Variants in CSF1 observed in about 807,000 individuals in gnomAD.
CSF1 encodes colony stimulating factor 1, also known as macrophage colony-stimulating factor 1.
A neutral mutation model predicts 48.9 loss-of-function variants in CSF1; 9 were observed. The ratio of observed to expected loss-of-function variants is 0.18; its 90% CI spans 0.11 to 0.32. The LOEUF is 0.32. Ranked by LOEUF, CSF1 falls within the 10% of genes least tolerant of loss-of-function variation. The pLI, the probability that CSF1 is intolerant of heterozygous loss-of-function variation, is 1.00. For synonymous variants in CSF1, 305 were observed against 284.1 expected, an observed-to-expected ratio of 1.07 and a Z score of -0.74; for missense variants, 672 against 697.9, an observed-to-expected ratio of 0.96 and a Z score of 0.42.
In CSF1 at chr1:109,924,795, G is replaced by T. The variant is rs1344162850; in HGVS notation, c.1589G>T (p.Arg530Ile). Residue 530 changes from arginine (R) to isoleucine (I), a missense_variant, in exon 7 of 9, where the codon AGA (arginine) becomes ATA (isoleucine). Physicochemically the swap from Arg to Ile is moderately conservative, Grantham distance 97 (BLOSUM62 -3). Transcript: ENST00000329608. ...CCTCAGAGCCATCAAGAGCCTCAGA[G>T]AGCGGATTCTCCCTTGGAGCAACCA... ...WRRRSHQEPQ[R>I]ADSPLEQPEG... 1 of 1,601,058 alleles carries T rather than the reference G, an allele frequency of 6.2e-7. No homozygotes were observed. Among genetic ancestry groups the T allele is most frequent in the African/African-American group, 1.3e-5 (1 of 74,702 alleles).
At chr1:109,918,842 G>A (rs1277983732) in intron 4 of CSF1, among the ~76,000 whole-genome samples, 1 of 152,078 alleles carries the variant, frequency 6.6e-6, no homozygotes, top group Admixed American at 6.6e-5. Flanking sequence ...AGGCATGGGG[G>A]TTCGGCTTAT....
chr1:109,910,874 G>A lies in CSF1; in HGVS notation c.-150G>A. On this transcript the variant is annotated 5_prime_UTR_variant, in exon 1 of 9. Transcript: ENST00000329608. ...GAGGCTCGGCCCGGGGAAAGTGAAAGTTTGCCTGGGTCCTCTCGGCGCCAG... is the reference window on the plus strand; with the variant it reads ...GAGGCTCGGCCCGGGGAAAGTGAAAATTTGCCTGGGTCCTCTCGGCGCCAG... 2.5e-6 allele frequency: 1 copy of A among 400,242 alleles called. No homozygotes were observed. Among genetic ancestry groups the A allele is most frequent in the Non-Finnish European group, 3.6e-6 (1 of 281,000 alleles). 24.8% of individuals were successfully genotyped at this position (400,242 alleles called of 1,614,324 possible). A position where few individuals can be genotyped will look rare whatever the true frequency, so the allele number is the denominator to read the frequency against.
At chr1:109,911,963 T>C (rs1654708846) in intron 1 of CSF1, among the ~76,000 whole-genome samples, 1 of 151,760 alleles carries the variant, frequency 6.6e-6, no homozygotes, top group East Asian at 1.9e-4. Flanking sequence ...ATAGATTTGC[T>C]TCTGAGGAGT....
chr1:109,922,412 C>T (rs568805066), intron 5 of CSF1: 2 of 163,864 alleles, frequency 1.2e-5, no homozygotes, highest in East Asian at 3.5e-4. Context: ...TCCAGGAGCT[C>T]TGCTGCGAAT....
chr1:109,911,816 T>G (rs945890471), intron 1 of CSF1, among the ~76,000 whole-genome samples: 3 of 152,096 alleles, frequency 2.0e-5, no homozygotes, highest in Admixed American at 6.6e-5. Context: ...AAAGAGGGTT[T>G]GGTGTTGCAG....
rs755112511 is a variant in CSF1, at chr1:109,923,268, C to G, written c.647C>G (p.Ala216Gly). The change falls in exon 6 of 9, where the codon GCC (alanine) becomes GGC (glycine). Residue 216 changes from alanine (A) to glycine (G), a missense_variant. Ala to Gly is a moderately conservative substitution (Grantham distance 60, BLOSUM62 0). Around this residue, in one of 3 missense-constraint regions of CSF1, gnomAD observed 591 missense variants for 593.6 expected, o/e 1.00. Transcript: ENST00000329608. ...SPHQPLAPSM[A>G]PVAGLTWEDS... is the part of the protein sequence containing the mutation. ...CATCAGCCCCTCGCCCCCTCCATGG[C>G]CCCTGTGGCTGGCTTGACCTGGGAG... The G allele has an allele frequency of 9.9e-6, 16 of 1,611,224 alleles. No homozygotes were observed. The highest frequency in any genetic ancestry group is 1.6e-4 in the Middle Eastern group (1 of 6,070).
At chr1:109,924,500 G>A (rs570853170) in intron 6 of CSF1, among the ~76,000 whole-genome samples, 11 of 152,228 alleles carry the variant, frequency 7.2e-5, no homozygotes, top group Non-Finnish European at 1.0e-4. Context: ...CTGTGTGAGC[G>A]TGTCAGGGCA....
At chr1:109,919,761 C>A (rs545638632) in intron 4 of CSF1, among the ~76,000 whole-genome samples, 36 of 150,760 alleles carry the variant, frequency 2.4e-4, no homozygotes, top group African/African-American at 8.7e-4. Context: ...GAGTTCAAGA[C>A]CAGCCTGCCC....
rs774548019 is a variant in CSF1, at chr1:109,923,633, G to T, written c.1012G>T (p.Ala338Ser). 3.1e-6 allele frequency: 5 copies of T among 1,613,878 alleles called. No homozygotes were observed. The highest frequency in any genetic ancestry group is 1.3e-5 in the African/African-American group (1 of 74,902). ...PGGGSMQTEP[A>S]RPSNFLSASS... Reference sequence around the variant, plus strand: ...AGGGGGCAGCATGCAGACAGAGCCCGCCAGACCCAGCAACTTCCTCTCAGC... The same window carrying T: ...AGGGGGCAGCATGCAGACAGAGCCCTCCAGACCCAGCAACTTCCTCTCAGC... Residue 338 changes from alanine (A) to serine (S), a missense_variant, in exon 6 of 9, where the codon GCC becomes TCC. Around this residue, in one of 3 missense-constraint regions of CSF1, gnomAD observed 591 missense variants for 593.6 expected, o/e 1.00. Transcript: ENST00000329608.
At chr1:109,925,001 G>T in intron 7 of CSF1, 146 bp from the exon 8 acceptor site, 1 of 1,042,510 alleles carries the variant, frequency 9.6e-7, no homozygotes, top group Non-Finnish European at 1.5e-6. Flanking sequence ...GCTTTTTCCT[G>T]ATTTCTCCGT....
chr1:109,912,642 C>T (rs967095221), intron 1 of CSF1, among the ~76,000 whole-genome samples: 2 of 152,214 alleles, frequency 1.3e-5, no homozygotes, highest in Non-Finnish European at 2.9e-5. Flanking sequence ...TTAAGCATTG[C>T]TCCCACCTTG....
In CSF1 at chr1:109,917,386, A is replaced by T; in HGVS notation, c.319A>T (p.Ile107Phe). ...MRFRDNTPNA[I>F]AIVQLQELSL... ...CTTCAGAGATAACACCCCCAATGCC[A>T]TCGCCATTGTGCAGCTGCAGGAACT... Residue 107 changes from isoleucine (I) to phenylalanine (F), a missense_variant, in exon 4 of 9, where the codon ATC becomes TTC. Ile to Phe is a conservative substitution (Grantham distance 21, BLOSUM62 0). This residue lies in a region of CSF1 where 591 missense variants were observed against 593.6 expected (regional missense o/e 1.00). Transcript: ENST00000329608. The T allele has an allele frequency of 6.2e-7, 1 of 1,614,190 alleles. No individual in the cohort carries two copies. The highest frequency in any genetic ancestry group is 2.2e-5 in the East Asian group (1 of 44,884).
chr1:109,912,691 TC>T (rs1426615320), intron 1 of CSF1, among the ~76,000 whole-genome samples: 5 of 152,186 alleles, frequency 3.3e-5, no homozygotes, highest in Admixed American at 3.3e-4. Context: ...GCGGTCCCTT[TC>T]ATCCATACCA....
Sources: allele counts gnomAD v4.1 joint callset (sites outside exome capture counted in the v4.1 genomes callset), GRCh38; gene constraint gnomAD v4.1.1; regional missense constraint gnomAD v4.1.1; transcripts MANE v1.5; gene names NCBI Gene and HGNC (gene_info 2026-07-23, HGNC 2026-07-21).